RICTOR: variants seen among roughly 807,000 people sequenced by gnomAD.
The protein encoded by RICTOR is RPTOR independent companion of MTOR complex 2.
In RICTOR, 49 loss-of-function variants were observed where a neutral mutation model predicts 214.9. The observed-to-expected ratio is 0.23, with a 90% CI of 0.18 to 0.29. The LOEUF is 0.29. Among genes scored for constraint, RICTOR ranks in the 10% least tolerant of loss-of-function variants. RICTOR has a pLI of 1.00. For missense variants in RICTOR, 1,625 were observed against 2,047.0 expected, an observed-to-expected ratio of 0.79 and a Z score of 3.98; for synonymous variants, 717 against 711.3, an observed-to-expected ratio of 1.01 and a Z score of -0.13.
intron 36 of RICTOR, 32 bp from the exon 37 acceptor site, chr5:38,943,003 T>G (rs781517044): frequency 2.0e-6 from 3 of 1,518,860 alleles, no homozygotes; most frequent in Non-Finnish European, 2.7e-6. Context: ...TGATGAAAAC[T>G]GTAATCATGA....
chr5:39,002,609 C>T lies in RICTOR; in HGVS notation c.318G>A (p.Ala106=), dbSNP rs376767072. The T allele has an allele frequency of 3.2e-5, 51 of 1,610,224 alleles. No homozygotes were observed. In the African/African-American group the frequency reaches 4.0e-4, roughly 13 times the overall value. ...AKEVRAAGLR[A]LRYLIQDSSI... ...TGGAGTCTTGGATGAGATATCGAAG[C>T]GCTCGTAGCCCTGCTGCTCGCACTT... Residue 106 remains alanine, a synonymous_variant, in exon 5 of 38, where the codon GCG becomes GCA. Coordinates refer to ENST00000357387, the MANE Select transcript of RICTOR (RefSeq NM_152756.5).
Position 38,960,258 on chromosome 5 carries a change from T to G in RICTOR, c.1851+140A>C, listed in dbSNP as rs971478754. The G allele has an allele frequency of 2.3e-4, 195 of 865,888 alleles. 1 individual carries two copies. Among genetic ancestry groups the G allele is most frequent in the Non-Finnish European group, 3.3e-4 (179 of 546,326 alleles). The allele number at this position is 865,888 out of a possible 1,614,324, so 53.6% of individuals were successfully genotyped here. On this transcript the variant is annotated intron_variant, in intron 20 of 37. Transcript: ENST00000357387. Reference sequence around the variant, plus strand: ...CTAAGTCGGGATTCAACTCTAGGTCTGGGATCATTTCTTATGTTTCCAAAT... The same window carrying G: ...CTAAGTCGGGATTCAACTCTAGGTCGGGGATCATTTCTTATGTTTCCAAAT...
intron 2 of RICTOR, among the ~76,000 whole-genome samples, chr5:39,071,871 CTT>C (rs1393168821): frequency 6.6e-6 from 1 of 152,212 alleles, no homozygotes; most frequent in Non-Finnish European, 1.5e-5. Context: ...GTTGCCCAAA[CTT>C]TATCTTTTTA....
chr5:39,054,372 G>A (rs1224217965), intron 2 of RICTOR, among the ~76,000 whole-genome samples: 1 of 152,102 alleles, frequency 6.6e-6, no homozygotes, highest in East Asian at 1.9e-4. Context: ...TAAGGGGAAA[G>A]ATTGACATAA....
chr5:39,032,132 AAG>A (rs1280485585), intron 2 of RICTOR, among the ~76,000 whole-genome samples: 3 of 152,212 alleles, frequency 2.0e-5, no homozygotes, highest in Non-Finnish European at 4.4e-5. Flanking sequence ...AAAATTTGCC[AAG>A]AGAACCTATT....
At position 38,962,471 on chromosome 5, in the gene RICTOR, G is replaced by C; in HGVS notation, c.1668+14C>G. The C allele has an allele frequency of 7.4e-7, 1 of 1,349,512 alleles. No individual in the cohort carries two copies. The highest frequency in any genetic ancestry group is 1.0e-6 in the Non-Finnish European group (1 of 963,478). 83.6% of individuals were successfully genotyped at this position (1,349,512 alleles called of 1,614,324 possible). On this transcript the variant is annotated intron_variant, in intron 18 of 37. Coordinates refer to ENST00000357387, the MANE Select transcript of RICTOR (RefSeq NM_152756.5). ...ATTAAAGACAAGCCATTACCATGAA[G>C]TATCTTTTCATACCTTAAGAATGGT...
At chr5:38,953,868 A>T (rs1749008311) in intron 27 of RICTOR, among the ~76,000 whole-genome samples, 2 of 151,854 alleles carry the variant, frequency 1.3e-5, no homozygotes, top group South Asian at 4.1e-4. Context: ...ATTATTGCAC[A>T]TACAGTGCTT....
Position 38,938,285 on chromosome 5 carries a change from A to AT in RICTOR, c.*4018dup, listed in dbSNP as rs1177297861. Reference sequence around the variant, plus strand: ...GTGGTTAGAGAGCATTAAGTCTGAGATTTTTTTCACAATTCCTTACCACTT... The same window carrying AT: ...GTGGTTAGAGAGCATTAAGTCTGAGATTTTTTTTCACAATTCCTTACCACTT... On this transcript the variant is annotated 3_prime_UTR_variant, in exon 38 of 38. Transcript: ENST00000357387. 4.4e-6 allele frequency: 1 copy of AT among 227,278 alleles called. No homozygotes were observed. Among genetic ancestry groups the AT allele is most frequent in the Admixed American group, 5.7e-5 (1 of 17,584 alleles). 14.1% of individuals were successfully genotyped at this position (227,278 alleles called of 1,614,324 possible).
intron 11 of RICTOR, among the ~76,000 whole-genome samples, chr5:38,968,350 A>T (rs1750408855): frequency 6.6e-6 from 1 of 152,148 alleles, no homozygotes; most frequent in Admixed American, 6.5e-5. Context: ...AAAGCATTAT[A>T]TATGGAATTA....
intron 3 of RICTOR, among the ~76,000 whole-genome samples, chr5:39,006,979 A>G (rs569914164): frequency 1.3e-5 from 2 of 152,304 alleles, no homozygotes; most frequent in South Asian, 4.1e-4. Context: ...AGTAGTTACA[A>G]ATTTAAGAGA....
intron 25 of RICTOR, among the ~76,000 whole-genome samples, chr5:38,955,947 CACAG>C (rs1749225123): frequency 6.6e-6 from 1 of 151,974 alleles, no homozygotes; most frequent in African/African-American, 2.4e-5. Flanking sequence ...GTGGTTACTG[CACAG>C]ACAATGCCAG....
At chr5:38,990,523 T>TACGATATATAC (rs70982526) in intron 7 of RICTOR, among the ~76,000 whole-genome samples, 50,482 of 129,552 alleles carry the variant, frequency 0.39, 10,120 homozygotes, top group East Asian at 0.59. Context: ...ACGATATATA[T>TACGATATATAC]ACGATATATA....
chr5:38,952,084 A>T, intron 30 of RICTOR, 112 bp downstream of exon 30: 1 of 658,962 alleles, frequency 1.5e-6, no homozygotes, highest in African/African-American at 1.8e-5. Flanking sequence ...ATTGCCAAAT[A>T]ATTATCTTAG....
intron 7 of RICTOR, 64 bp from the exon 8 acceptor site, chr5:38,982,100 G>T: frequency 8.2e-7 from 1 of 1,221,514 alleles, no homozygotes; most frequent in Non-Finnish European, 1.2e-6. Context: ...AAAAATCTAG[G>T]CTTTAAAACT....
intron 5 of RICTOR, among the ~76,000 whole-genome samples, chr5:38,998,114 C>T (rs1037818655): frequency 6.6e-6 from 1 of 152,160 alleles, no homozygotes; most frequent in African/African-American, 2.4e-5. Context: ...ACTCTGAGAT[C>T]CTAAATAGCC....
At chr5:38,994,825 A>G (rs1402215335) in intron 6 of RICTOR, among the ~76,000 whole-genome samples, 1 of 152,236 alleles carries the variant, frequency 6.6e-6, no homozygotes, top group African/African-American at 2.4e-5. Context: ...AATTGTCTGA[A>G]TCCATTTGAA....
At chr5:39,006,994 G>A (rs1023326328) in intron 3 of RICTOR, among the ~76,000 whole-genome samples, 9 of 151,992 alleles carry the variant, frequency 5.9e-5, no homozygotes, top group Admixed American at 6.6e-5. Flanking sequence ...AAGAGAATGC[G>A]TTTTTATACA....
chr5:38,972,404 T>C (rs926767531), intron 10 of RICTOR, among the ~76,000 whole-genome samples: 6 of 152,222 alleles, frequency 3.9e-5, no homozygotes, highest in African/African-American at 1.2e-4. Flanking sequence ...AAATAAATTA[T>C]ATGATTCAAA....
chr5:39,068,878 C>A (rs1343326114), intron 2 of RICTOR, among the ~76,000 whole-genome samples: 1 of 152,182 alleles, frequency 6.6e-6, no homozygotes, highest in Non-Finnish European at 1.5e-5. Context: ...CAAAGTTTTA[C>A]ACATCACAAC....
Sources: gnomAD v4.1 joint callset for allele counts (sites outside exome capture counted in the v4.1 genomes callset) on GRCh38, gnomAD v4.1.1 for gene constraint, MANE v1.5 for transcripts, NCBI Gene and HGNC (gene_info 2026-07-23, HGNC 2026-07-21) for gene names.